ZNF451: variants seen among roughly 807,000 people sequenced by gnomAD.
ZNF451 encodes the protein zinc finger protein 451.
In ZNF451, 80 loss-of-function variants were observed where a neutral mutation model predicts 107.1. The observed-to-expected ratio is 0.75, with a 90% CI of 0.62 to 0.90. The LOEUF (loss-of-function observed/expected upper bound fraction) is 0.90. Among genes scored for constraint, ZNF451 ranks in the 40% least tolerant of loss-of-function variants. The pLI, the probability that ZNF451 is intolerant of heterozygous loss-of-function variation, is 0.00. For synonymous variants in ZNF451, 362 were observed against 406.5 expected (o/e 0.89, Z 1.32); for missense variants, 1,107 against 1,236.2 (o/e 0.90, Z 1.57).
chr6:57,101,326 C>A (rs1459819483), intron 3 of ZNF451: 2 of 1,550,716 alleles, frequency 1.3e-6, no homozygotes, highest in Admixed American at 3.9e-5. Flanking sequence ...GCATCCTCTT[C>A]TGAGAATTGC....
intron 3 of ZNF451, among the ~76,000 whole-genome samples, chr6:57,099,899 A>G (rs1829508666): frequency 6.6e-6 from 1 of 152,236 alleles, no homozygotes. Flanking sequence ...TGGAATCAGA[A>G]TACCTGGGTT....
intron 2 of ZNF451, among the ~76,000 whole-genome samples, 159 bp from the exon 3 acceptor site, chr6:57,098,902 T>C (rs959801390): frequency 6.6e-6 from 1 of 152,250 alleles, no homozygotes; most frequent in African/African-American, 2.4e-5. Context: ...TTGAATATTT[T>C]CCTCTGCTGC....
intron 3 of ZNF451, among the ~76,000 whole-genome samples, chr6:57,113,878 C>T (rs927439496): frequency 6.6e-6 from 1 of 152,168 alleles, no homozygotes; most frequent in African/African-American, 2.4e-5. Context: ...ACCTCGGCCT[C>T]CCAAAGTGCT....
intron 3 of ZNF451, chr6:57,103,451 A>C: frequency 5.1e-6 from 5 of 985,312 alleles, no homozygotes; most frequent in Non-Finnish European, 6.0e-6. Context: ...ATAGTTTTTC[A>C]CCATACTGGA....
chr6:57,103,544 T>C (rs966153229), intron 3 of ZNF451: 1 of 985,390 alleles, frequency 1.0e-6, no homozygotes, highest in Non-Finnish European at 1.2e-6. Context: ...ATATCAGCCC[T>C]TAGATCCATG....
chr6:57,122,067 A>C (rs1296230205), intron 3 of ZNF451, among the ~76,000 whole-genome samples: 1 of 152,174 alleles, frequency 6.6e-6, no homozygotes, highest in Admixed American at 6.5e-5. Context: ...CCCAGGAATA[A>C]AGCAGCACAG....
At chr6:57,128,695 T>G (rs376191929) in intron 4 of ZNF451, 34 bp from the exon 5 acceptor site, 67 of 1,444,800 alleles carry the variant, frequency 4.6e-5, no homozygotes, top group Non-Finnish European at 5.9e-5. Flanking sequence ...AACAGGGTAG[T>G]AATCTTAATT....
chr6:57,118,448 A>G (rs1339728690), intron 3 of ZNF451, among the ~76,000 whole-genome samples: 2 of 152,232 alleles, frequency 1.3e-5, no homozygotes, highest in Non-Finnish European at 2.9e-5. Context: ...TTCTCGAGGT[A>G]GTATCTACAT....
intron 3 of ZNF451, among the ~76,000 whole-genome samples, chr6:57,119,165 G>A (rs1830513132): frequency 3.3e-5 from 5 of 152,106 alleles, no homozygotes; most frequent in Admixed American, 3.3e-4. Flanking sequence ...TAAAAATTGG[G>A]TTGTACATAT....
chr6:57,104,052 A>G (rs1446731117), intron 3 of ZNF451: 2 of 984,790 alleles, frequency 2.0e-6, no homozygotes, highest in African/African-American at 3.5e-5. Context: ...TTGTTTTGCA[A>G]ATTTAGCCCA....
intron 3 of ZNF451, among the ~76,000 whole-genome samples, chr6:57,123,365 T>C (rs1830737134): frequency 6.6e-6 from 1 of 152,202 alleles, no homozygotes; most frequent in East Asian, 1.9e-4. Flanking sequence ...TGCAGCAACA[T>C]GGATGCAGCT....
chr6:57,150,635 G>A (rs2127981256), intron 10 of ZNF451, 84 bp from the exon 11 acceptor site: 1 of 1,380,910 alleles, frequency 7.2e-7, no homozygotes, highest in East Asian at 2.3e-5. Flanking sequence ...TTGCATATTA[G>A]GCTTCTAATA....
chr6:57,162,619 C>G (rs559762326), intron 14 of ZNF451, among the ~76,000 whole-genome samples: 7 of 152,324 alleles, frequency 4.6e-5, no homozygotes, highest in Non-Finnish European at 7.4e-5. Flanking sequence ...AGTTGTTTAT[C>G]AAGGCCACTA....
chr6:57,147,113 C>G lies in ZNF451; in HGVS notation c.1028C>G (p.Pro343Arg). 1 of 1,611,826 alleles carries G rather than the reference C, an allele frequency of 6.2e-7. No individual in the cohort carries two copies. Among genetic ancestry groups the G allele is most frequent in the Non-Finnish European group, 8.5e-7 (1 of 1,178,492 alleles). Reference protein sequence around the residue: ...HFRVHCRNAGPVAVAEKSITQ... With the variant: ...HFRVHCRNAGRVAVAEKSITQ... ...AGAGTTCATTGTCGAAATGCTGGACCTGTAGCTGTAGCTGAGAAGAGCATT... is the reference window on the plus strand; with the variant it reads ...AGAGTTCATTGTCGAAATGCTGGACGTGTAGCTGTAGCTGAGAAGAGCATT... The change falls in exon 10 of 15, where the codon CCT (proline) becomes CGT (arginine). Residue 343 changes from proline to arginine, a missense_variant. Around this residue, in one of 5 missense-constraint regions of ZNF451, gnomAD observed 5 missense variants for 20.4 expected, o/e 0.25. Coordinates refer to ENST00000370706, the MANE Select transcript of ZNF451 (RefSeq NM_001031623.3).
At chr6:57,111,811 T>C (rs765997061) in intron 3 of ZNF451, among the ~76,000 whole-genome samples, 7 of 152,234 alleles carry the variant, frequency 4.6e-5, no homozygotes, top group Non-Finnish European at 1.0e-4. Context: ...AAAGAGAATA[T>C]AGGAAAATCT....
At position 57,115,602 on chromosome 6, in the gene ZNF451, G is replaced by T. The variant is rs149785409; in HGVS notation, c.187-9132G>T. 5.9e-5 allele frequency: 9 copies of T among 152,272 alleles called. No individual in the cohort carries two copies. In the East Asian group the frequency reaches 1.5e-3, roughly 26 times the overall value. 9.4% of individuals were successfully genotyped at this position (152,272 alleles called of 1,614,324 possible). A position where few individuals can be genotyped will look rare whatever the true frequency, so the allele number is the denominator to read the frequency against. On this transcript the variant is annotated intron_variant, in intron 3 of 14. Coordinates refer to ENST00000370706, the MANE Select transcript of ZNF451 (RefSeq NM_001031623.3). Reference sequence around the variant, plus strand: ...TAAAAATGTAAAGAAGTATATTTGAGAATGTAAGAATTTCATAGTGACTGA... The same window carrying T: ...TAAAAATGTAAAGAAGTATATTTGATAATGTAAGAATTTCATAGTGACTGA...
At chr6:57,160,033 A>G (rs756318486) in intron 13 of ZNF451, among the ~76,000 whole-genome samples, 1 of 152,190 alleles carries the variant, frequency 6.6e-6, no homozygotes, top group Non-Finnish European at 1.5e-5. Context: ...AGTGATAAGC[A>G]CAATATTAGG....
At chr6:57,110,411 C>A (rs1304614457) in intron 3 of ZNF451, among the ~76,000 whole-genome samples, 1 of 152,090 alleles carries the variant, frequency 6.6e-6, no homozygotes. Context: ...TAGAACAATT[C>A]TTTCTTTCCC....
chr6:57,100,154 G>C (rs1386543948), intron 3 of ZNF451, among the ~76,000 whole-genome samples: 3 of 152,128 alleles, frequency 2.0e-5, no homozygotes, highest in Non-Finnish European at 4.4e-5. Flanking sequence ...TCTAATGGGG[G>C]AGTTTTAGAT....
Sources: allele counts gnomAD v4.1 joint callset (sites outside exome capture counted in the v4.1 genomes callset), GRCh38; gene constraint gnomAD v4.1.1; regional missense constraint gnomAD v4.1.1; transcripts MANE v1.5; gene names NCBI Gene and HGNC (gene_info 2026-07-23, HGNC 2026-07-21).